The following DNAH8 variants were observed in gnomAD, a reference collection of about 807,000 sequenced individuals.
The protein encoded by DNAH8 is dynein axonemal heavy chain 8.
In DNAH8, 382 loss-of-function variants were observed where a neutral mutation model predicts 562.1. That is an observed-to-expected ratio of 0.68 (90% CI 0.63 to 0.74). The LOEUF (loss-of-function observed/expected upper bound fraction) is 0.74, where lower values mean the gene tolerates loss of function less well. Among genes scored for constraint, DNAH8 ranks in the 30% least tolerant of loss-of-function variants. The pLI, the probability that DNAH8 is intolerant of heterozygous loss-of-function variation, is 0.00. For synonymous variants in DNAH8, 1,881 were observed against 1,919.4 expected (o/e 0.98, Z 0.52); for missense variants, 5,203 against 5,620.4 (o/e 0.93, Z 2.37).
At chr6:38,937,929 A>G in intron 77 of DNAH8, 45 bp from the exon 78 acceptor site, 1 of 1,597,780 alleles carries the variant, frequency 6.3e-7, no homozygotes, top group Non-Finnish European at 8.5e-7. Context: ...TTGCTTTGCA[A>G]GTTTCCCGTC....
intron 11 of DNAH8, among the ~76,000 whole-genome samples, chr6:38,765,195 C>G (rs1023655954): frequency 2.0e-5 from 3 of 152,094 alleles, no homozygotes; most frequent in Admixed American, 6.6e-5. Flanking sequence ...GTTTGAGTTC[C>G]TTATATATTT....
intron 88 of DNAH8, among the ~76,000 whole-genome samples, chr6:38,992,276 T>A (rs1260966930): frequency 6.6e-6 from 1 of 152,188 alleles, no homozygotes; most frequent in Non-Finnish European, 1.5e-5. Context: ...CCTCATACTT[T>A]ACACTTTAAT....
intron 1 of DNAH8, among the ~76,000 whole-genome samples, chr6:38,720,128 C>T (rs1260094839): frequency 1.3e-5 from 2 of 152,170 alleles, no homozygotes; most frequent in Non-Finnish European, 2.9e-5. Flanking sequence ...CTTACGGTTT[C>T]TCTAATGGGA....
intron 18 of DNAH8, 75 bp downstream of exon 18, chr6:38,787,027 A>ATTT: frequency 4.8e-6 from 3 of 630,002 alleles, no homozygotes; most frequent in Non-Finnish European, 6.7e-6. Flanking sequence ...ATATATATAT[A>ATTT]TCCCTGCAGT....
At chr6:38,870,948 C>A (rs993055157) in intron 49 of DNAH8, among the ~76,000 whole-genome samples, 1 of 152,196 alleles carries the variant, frequency 6.6e-6, no homozygotes, top group African/African-American at 2.4e-5. Context: ...TGCTATTTTG[C>A]TCCTGCTTTG....
chr6:38,876,438 C>G (rs1156980367), intron 53 of DNAH8, among the ~76,000 whole-genome samples: 1 of 152,178 alleles, frequency 6.6e-6, no homozygotes, highest in Non-Finnish European at 1.5e-5. Context: ...CCTAAAAACT[C>G]AAAAACAGCA....
intron 11 of DNAH8, among the ~76,000 whole-genome samples, chr6:38,767,919 A>G (rs1423594506): frequency 1.3e-5 from 2 of 152,226 alleles, no homozygotes; most frequent in Non-Finnish European, 2.9e-5. Flanking sequence ...TCCACCAGCA[A>G]TGCAGGAGGG....
chr6:38,984,336 G>C lies in DNAH8; in HGVS notation c.13053+29G>C. On this transcript the variant is annotated intron_variant, in intron 87 of 92. Transcript: ENST00000327475. The stretch of plus-strand genomic sequence containing the variant: ...AGTCAATTTAGAAAAATAAAGTTTG[G>C]AGACACATTTCACTGTATTTTCCAA... 4 of 1,449,504 alleles carry C rather than the reference G, an allele frequency of 2.8e-6. No homozygotes were observed. In the South Asian group the frequency reaches 4.6e-5, roughly 17 times the overall value. The allele number at this position is 1,449,504 out of a possible 1,614,324, so 89.8% of individuals were successfully genotyped here. A position where few individuals can be genotyped will look rare whatever the true frequency, so the allele number is the denominator to read the frequency against.
Position 38,848,775 on chromosome 6 carries a change from G to C in DNAH8, c.5173G>C (p.Gly1725Arg). The C allele has an allele frequency of 6.2e-7, 1 of 1,613,370 alleles. No homozygotes were observed. Among genetic ancestry groups the C allele is most frequent in the Non-Finnish European group, 8.5e-7 (1 of 1,179,518 alleles). Residue 1725 changes from glycine to arginine, a missense_variant, in exon 37 of 93, where the codon GGA (glycine) becomes CGA (arginine). This residue lies in a region of DNAH8 where 2,176 missense variants were observed against 2,365.1 expected (regional missense o/e 0.92). Coordinates refer to ENST00000327475, the MANE Select transcript of DNAH8 (RefSeq NM_001206927.2). ...WVYLEAVFVG[G>R]DIAKQLPQEA... ...TTATCTTGAAGCCGTCTTTGTAGGT[G>C]GAGATATTGCCAAACAGCTGCCTCA...
intron 79 of DNAH8, among the ~76,000 whole-genome samples, chr6:38,940,171 A>C (rs934362143): frequency 1.3e-5 from 2 of 152,194 alleles, no homozygotes; most frequent in African/African-American, 4.8e-5. Flanking sequence ...AAAGAGGTTC[A>C]AGGGAGTCTC....
At chr6:38,900,477 GT>G (rs1473204000) in intron 62 of DNAH8, among the ~76,000 whole-genome samples, 1 of 152,114 alleles carries the variant, frequency 6.6e-6, no homozygotes, top group Non-Finnish European at 1.5e-5. Context: ...CTGGATGTAG[GT>G]TATCTGTATA....
At chr6:38,742,359 G>A (rs1764587357) in intron 8 of DNAH8, among the ~76,000 whole-genome samples, 1 of 152,096 alleles carries the variant, frequency 6.6e-6, no homozygotes, top group African/African-American at 2.4e-5. Flanking sequence ...GTGCAATGGT[G>A]TGTTCACAGC....
At chr6:38,834,238 A>G (rs1013180486) in intron 31 of DNAH8, among the ~76,000 whole-genome samples, 2 of 152,216 alleles carry the variant, frequency 1.3e-5, no homozygotes, top group African/African-American at 2.4e-5. Context: ...ATAGAATGTA[A>G]TTTTGTCACA....
chr6:38,834,351 A>T (rs1774098661), intron 31 of DNAH8, among the ~76,000 whole-genome samples: 1 of 152,198 alleles, frequency 6.6e-6, no homozygotes, highest in African/African-American at 2.4e-5. Flanking sequence ...CTGTGAATGT[A>T]CTAAAAATCA....
chr6:38,801,449 T>C (rs561177463), intron 21 of DNAH8, among the ~76,000 whole-genome samples: 1 of 152,354 alleles, frequency 6.6e-6, no homozygotes, highest in East Asian at 1.9e-4. Context: ...GATGCCAAGA[T>C]AAACATGTGT....
intron 11 of DNAH8, among the ~76,000 whole-genome samples, chr6:38,768,480 G>T (rs1767241142): frequency 6.6e-6 from 1 of 151,722 alleles, no homozygotes; most frequent in Middle Eastern, 3.2e-3. Flanking sequence ...TTGCCCAGGT[G>T]GTCTCAAACT....
At chr6:38,870,148 A>C (rs1025276750) in intron 48 of DNAH8, among the ~76,000 whole-genome samples, 1 of 152,148 alleles carries the variant, frequency 6.6e-6, no homozygotes, top group Non-Finnish European at 1.5e-5. Flanking sequence ...CCATGATACA[A>C]TTACCTCTCA....
chr6:38,772,538 T>A (rs1162418601), intron 12 of DNAH8, among the ~76,000 whole-genome samples: 1 of 152,226 alleles, frequency 6.6e-6, no homozygotes, highest in African/African-American at 2.4e-5. Flanking sequence ...TGCATATATT[T>A]AACTGAGTTA....
At chr6:38,823,757 C>A (rs1460960776) in intron 28 of DNAH8, 69 bp downstream of exon 28, 2 of 1,119,760 alleles carry the variant, frequency 1.8e-6, no homozygotes, top group African/African-American at 1.6e-5. Context: ...ATTTAGCAAG[C>A]AGTTATTAAG....
Sources: allele counts gnomAD v4.1 joint callset (sites outside exome capture counted in the v4.1 genomes callset), GRCh38; gene constraint gnomAD v4.1.1; regional missense constraint gnomAD v4.1.1; transcripts MANE v1.5; gene names NCBI Gene and HGNC (gene_info 2026-07-23, HGNC 2026-07-21).